Variants in LIN28B observed in about 807,000 individuals in gnomAD.
LIN28B encodes the protein lin-28 RNA binding posttranscriptional regulator B.
Under a neutral mutation model 21.9 loss-of-function variants are expected in LIN28B, and 5 were observed. The observed-to-expected ratio is 0.23, with a 90% CI of 0.12 to 0.48. LIN28B has a LOEUF of 0.48. LIN28B is among the 20% of genes least tolerant of loss of function. The pLI, the probability that LIN28B is intolerant of heterozygous loss-of-function variation, is 0.98. For synonymous variants in LIN28B, 109 were observed against 111.3 expected (o/e 0.98, Z 0.13); for missense variants, 245 against 310.5 (o/e 0.79, Z 1.58).
intron 2 of LIN28B, among the ~76,000 whole-genome samples, chr6:104,983,617 C>T (rs1333714713): frequency 1.3e-5 from 2 of 152,124 alleles, no homozygotes; most frequent in African/African-American, 4.8e-5. Context: ...GCTCTTATTG[C>T]CTAGGCTGGA....
At chr6:104,978,840 C>A (rs1322309343) in intron 2 of LIN28B, among the ~76,000 whole-genome samples, 2 of 152,096 alleles carry the variant, frequency 1.3e-5, no homozygotes, top group African/African-American at 4.8e-5. Flanking sequence ...ACCTCCATCC[C>A]CATATGCCAC....
Position 105,081,260 on chromosome 6 carries a change from C to CT in LIN28B, c.*2478dup, listed in dbSNP as rs1772537334. On this transcript the variant is annotated 3_prime_UTR_variant, in exon 4 of 4. Transcript: ENST00000345080. ...TATGTACTGATGATAGTAACTACCT[C>CT]TGAGTTTGACACAGATCAAAATTTT... 1 of 152,756 alleles carries CT rather than the reference C, an allele frequency of 6.5e-6. No individual in the cohort carries two copies. The highest frequency in any genetic ancestry group is 2.4e-5 in the African/African-American group (1 of 41,572). 9.5% of individuals were successfully genotyped at this position (152,756 alleles called of 1,614,324 possible).
intron 2 of LIN28B, among the ~76,000 whole-genome samples, chr6:104,982,401 A>C (rs1770244611): frequency 6.6e-6 from 1 of 152,208 alleles, no homozygotes; most frequent in South Asian, 2.1e-4. Context: ...CCCCAAAAGC[A>C]TGTTTTACAA....
intron 2 of LIN28B, among the ~76,000 whole-genome samples, chr6:104,947,488 A>C (rs979208683): frequency 6.6e-6 from 1 of 152,222 alleles, no homozygotes; most frequent in Admixed American, 6.5e-5. Context: ...ACATTTAGTT[A>C]CAACAGTGGA....
intron 2 of LIN28B, among the ~76,000 whole-genome samples, chr6:105,004,319 C>A (rs1195623974): frequency 6.6e-6 from 1 of 152,170 alleles, no homozygotes; most frequent in Non-Finnish European, 1.5e-5. Flanking sequence ...AGTTGACACT[C>A]AGTATTAACT....
At chr6:105,063,441 G>T (rs1343606427) in intron 3 of LIN28B, among the ~76,000 whole-genome samples, 1 of 152,152 alleles carries the variant, frequency 6.6e-6, no homozygotes, top group Non-Finnish European at 1.5e-5. Context: ...TTCAAGACCA[G>T]CCTGGCCAAC....
intron 2 of LIN28B, among the ~76,000 whole-genome samples, chr6:104,937,297 C>T (rs1778020966): frequency 6.6e-6 from 1 of 152,110 alleles, no homozygotes; most frequent in Non-Finnish European, 1.5e-5. Context: ...CCACGCCCAG[C>T]TAGTATTTTG....
intron 3 of LIN28B, among the ~76,000 whole-genome samples, chr6:105,039,631 A>G (rs1377142158): frequency 6.6e-6 from 1 of 152,184 alleles, no homozygotes; most frequent in Non-Finnish European, 1.5e-5. Context: ...CTTAAGAGGC[A>G]GAGAAGAGAA....
At chr6:105,022,253 T>G (rs957444338) in intron 2 of LIN28B, among the ~76,000 whole-genome samples, 3 of 152,158 alleles carry the variant, frequency 2.0e-5, no homozygotes, top group African/African-American at 7.2e-5. Context: ...GAAGATAGTG[T>G]AAACTTTCCC....
intron 2 of LIN28B, among the ~76,000 whole-genome samples, chr6:104,972,447 G>A (rs1770000673): frequency 6.6e-6 from 1 of 152,132 alleles, no homozygotes; most frequent in Admixed American, 6.5e-5. Context: ...CTTTATACCT[G>A]TTTTCTTCCT....
At chr6:105,041,489 T>TA (rs1304311664) in intron 3 of LIN28B, among the ~76,000 whole-genome samples, 1 of 152,156 alleles carries the variant, frequency 6.6e-6, no homozygotes, top group African/African-American at 2.4e-5. Flanking sequence ...AGGAAAAACT[T>TA]AATTGTTTTG....
At position 105,028,223 on chromosome 6, in the gene LIN28B, G is replaced by C. The variant is rs572964233; in HGVS notation, c.383+1741G>C. Among the ~76,000 whole-genome samples, 478 of 152,302 alleles carry C rather than the reference G, an allele frequency of 3.1e-3. 5 individuals are homozygous for C. The highest frequency in any genetic ancestry group is 0.011 in the African/African-American group (456 of 41,574). The stretch of plus-strand genomic sequence containing the variant: ...AGAATAGTGGAGGTTGAGATTTGAA[G>C]AGTAAGATGGCAGGACATTTTTTCA... On this transcript the variant is annotated intron_variant, in intron 3 of 3. Coordinates refer to ENST00000345080, the MANE Select transcript of LIN28B (RefSeq NM_001004317.4).
At chr6:105,004,088 A>G (rs1350135323) in intron 2 of LIN28B, among the ~76,000 whole-genome samples, 1 of 152,232 alleles carries the variant, frequency 6.6e-6, no homozygotes, top group Non-Finnish European at 1.5e-5. Context: ...AGCATCCAGC[A>G]CAGGAGAAAG....
intron 2 of LIN28B, among the ~76,000 whole-genome samples, chr6:104,948,023 T>C (rs1485921919): frequency 1.3e-5 from 2 of 152,132 alleles, no homozygotes; most frequent in Non-Finnish European, 2.9e-5. Context: ...TGGAACAGTA[T>C]GAAAAAGAGC....
chr6:105,053,735 G>GTT (rs1771964742), intron 3 of LIN28B, among the ~76,000 whole-genome samples: 2 of 151,858 alleles, frequency 1.3e-5, no homozygotes, highest in African/African-American at 2.4e-5. Flanking sequence ...GTGTGTGTGT[G>GTT]TGTGTGTGTA....
intron 3 of LIN28B, among the ~76,000 whole-genome samples, chr6:104,951,298 T>C (rs1017217101): frequency 5.3e-5 from 8 of 152,144 alleles, no homozygotes; most frequent in African/African-American, 1.9e-4. Flanking sequence ...ATTCTGTTAT[T>C]AAACTTTTCA....
chr6:105,050,368 C>T lies in LIN28B; in HGVS notation c.383+23886C>T, dbSNP rs563682820. ...CTGTAATCCCAGCACTTTGGGAGGC[C>T]GAGGCGGGTGGATCATGAGGTCAGG... On this transcript the variant is annotated intron_variant, in intron 3 of 3. Transcript: ENST00000345080. 2.3e-3 allele frequency among the ~76,000 whole-genome samples: 342 copies of T among 151,050 alleles called. 3 individuals carry two copies. Among genetic ancestry groups the T allele is most frequent in the Non-Finnish European group, 1.1e-3 (76 of 67,666 alleles).
chr6:105,001,377 G>A (rs978320841), intron 2 of LIN28B, among the ~76,000 whole-genome samples: 3 of 152,120 alleles, frequency 2.0e-5, no homozygotes, highest in African/African-American at 7.2e-5. Context: ...ATTTATGATG[G>A]TAACTAACTT....
rs969237980 is a variant in LIN28B at position 105,078,780 on chromosome 6, A to G, written c.750A>G (p.Thr250=). The G allele has an allele frequency of 6.2e-6, 10 of 1,611,614 alleles. No homozygotes were observed. The African/African-American group carries it at 6.7e-5, about 11-fold the overall frequency. The change falls in exon 4 of 4, where the codon ACA becomes ACG. Residue 250 remains threonine (T), a synonymous_variant. Coordinates refer to ENST00000345080, the MANE Select transcript of LIN28B (RefSeq NM_001004317.4). ...CTTCAGTTCAAAAAAGGAAAAAGAC[A>G]TAACAGGTCTTCTTCATATGTTCTT... is the stretch of plus-strand genomic sequence containing the variant. ...KGPSVQKRKK[T]
Sources: gnomAD v4.1 joint callset for allele counts (sites outside exome capture counted in the v4.1 genomes callset) on GRCh38, gnomAD v4.1.1 for gene constraint, MANE v1.5 for transcripts, NCBI Gene and HGNC (gene_info 2026-07-23, HGNC 2026-07-21) for gene names.